FARS2: variants seen among roughly 807,000 people sequenced by gnomAD.
The protein encoded by FARS2 is phenylalanyl-tRNA synthetase 2, mitochondrial.
In FARS2, 40 loss-of-function variants were observed where a neutral mutation model predicts 46.4. The observed-to-expected ratio is 0.86, with a 90% CI of 0.67 to 1.12. The LOEUF (loss-of-function observed/expected upper bound fraction) is 1.12, where lower values mean the gene tolerates loss of function less well. Ranked by LOEUF, FARS2 falls within the 50% of genes most tolerant of loss-of-function variation. The probability of loss-of-function intolerance (pLI) is 0.00; values close to 1 mark genes in which losing one functional copy is unlikely to be tolerated. For synonymous variants in FARS2, 234 were observed against 214.9 expected (o/e 1.09, Z -0.78); for missense variants, 513 against 567.9 (o/e 0.90, Z 0.98).
intron 1 of FARS2, among the ~76,000 whole-genome samples, chr6:5,312,309 G>A (rs752598621): frequency 1.1e-4 from 16 of 152,064 alleles, no homozygotes; most frequent in Non-Finnish European, 2.1e-4. Flanking sequence ...AAGTCTCATA[G>A]CTTATGTCTG....
At chr6:5,308,987 G>T (rs1234954439) in intron 1 of FARS2, among the ~76,000 whole-genome samples, 2 of 152,026 alleles carry the variant, frequency 1.3e-5, no homozygotes, top group Non-Finnish European at 2.9e-5. Flanking sequence ...TATTCATAAG[G>T]GCTTTGCCCC....
chr6:5,390,336 A>G (rs559258044), intron 2 of FARS2, among the ~76,000 whole-genome samples: 1 of 152,356 alleles, frequency 6.6e-6, no homozygotes, highest in South Asian at 2.1e-4. Flanking sequence ...GTTAGGATTA[A>G]GTTAGAAAGC....
At chr6:5,254,449 T>C in the FARS2 span, among the ~76,000 whole-genome samples, 1 of 152,230 alleles carries the variant, frequency 6.6e-6, no homozygotes, top group South Asian at 2.1e-4. Context: ...ATAGTTCCTA[T>C]TTTGATTAAT....
intron 4 of FARS2, among the ~76,000 whole-genome samples, chr6:5,539,564 A>G (rs1253060510): frequency 6.6e-6 from 1 of 151,918 alleles, no homozygotes; most frequent in Admixed American, 6.6e-5. Flanking sequence ...AACCAGCTCT[A>G]GAACATCTGA....
intron 6 of FARS2, among the ~76,000 whole-genome samples, chr6:5,646,685 C>T (rs1260779079): frequency 2.0e-5 from 3 of 152,136 alleles, no homozygotes. Context: ...TGCATATAAC[C>T]TACACATATC....
chr6:5,291,809 G>T (rs76055229), intron 1 of FARS2, among the ~76,000 whole-genome samples: 1,814 of 151,944 alleles, frequency 0.012, 38 homozygotes, highest in African/African-American at 0.041. Context: ...GAAGAATCAG[G>T]TTTCTTTATG....
intron 6 of FARS2, among the ~76,000 whole-genome samples, chr6:5,663,261 G>A (rs1024774089): frequency 2.6e-5 from 4 of 152,120 alleles, no homozygotes; most frequent in African/African-American, 9.7e-5. Flanking sequence ...GCTCTTCAAT[G>A]TAGGGAGTAT....
chr6:5,464,806 A>G (rs895595017), intron 4 of FARS2, among the ~76,000 whole-genome samples: 6 of 152,262 alleles, frequency 3.9e-5, no homozygotes, highest in African/African-American at 1.4e-4. Flanking sequence ...AAAGAAAGAA[A>G]GAAATTGGCC....
intron 5 of FARS2, among the ~76,000 whole-genome samples, chr6:5,574,486 G>A (rs997390716): frequency 6.6e-6 from 1 of 152,184 alleles, no homozygotes; most frequent in Non-Finnish European, 1.5e-5. Context: ...AACACCCTAT[G>A]CCTCCCTCAG....
In FARS2 at chr6:5,372,156, C is replaced by T. The variant is rs180893244; in HGVS notation, c.612+2974C>T. On this transcript the variant is annotated intron_variant, in intron 2 of 6. Transcript: ENST00000274680. ...CATAGGCTTAGTACATAAAGCAAAA[C>T]TGAAGAATTAAAAGTTAAGTTTGAC... Among the ~76,000 whole-genome samples, 609 of 152,040 alleles carry T rather than the reference C, an allele frequency of 4.0e-3. 5 individuals are homozygous for T. The highest frequency in any genetic ancestry group is 0.014 in the African/African-American group (573 of 41,504).
intron 1 of FARS2, among the ~76,000 whole-genome samples, chr6:5,281,076 A>G (rs1766691102): frequency 6.6e-6 from 1 of 152,186 alleles, no homozygotes. Context: ...GTCTTCCACA[A>G]TTTCCTTTGT....
intron 1 of FARS2, among the ~76,000 whole-genome samples, chr6:5,341,026 T>A (rs1347697154): frequency 6.6e-6 from 1 of 150,598 alleles, no homozygotes; most frequent in Non-Finnish European, 1.5e-5. Flanking sequence ...CGTGCGCCTG[T>A]AATCCCAGCT....
chr6:5,369,159 G>T lies in FARS2; in HGVS notation c.589G>T (p.Val197Leu). 6.2e-7 allele frequency: 1 copy of T among 1,608,602 alleles called. No homozygotes were observed. The highest frequency in any genetic ancestry group is 8.5e-7 in the Non-Finnish European group (1 of 1,179,884). The change falls in exon 2 of 7, where the codon GTG becomes TTG. Residue 197 changes from valine to leucine, a missense_variant. Val to Leu is a conservative substitution (Grantham distance 32). Coordinates refer to ENST00000274680, the MANE Select transcript of FARS2 (RefSeq NM_006567.5). ...CCCTATTTTCCACCAGCTGGAGGCC[G>T]TGCGGCTCTTCTCCAAGCATGAGGT... The part of the protein sequence containing the change: ...HYPIFHQLEA[V>L]RLFSKHELFA...
chr6:5,481,016 C>CT (rs1307590499), intron 4 of FARS2, among the ~76,000 whole-genome samples: 1 of 152,240 alleles, frequency 6.6e-6, no homozygotes, highest in East Asian at 1.9e-4. Flanking sequence ...TGAAAGCACT[C>CT]TTTAAAACAG....
At chr6:5,381,667 G>A (rs1053143788) in intron 2 of FARS2, among the ~76,000 whole-genome samples, 6 of 152,174 alleles carry the variant, frequency 3.9e-5, no homozygotes, top group Non-Finnish European at 8.8e-5. Context: ...ACATTGCCAT[G>A]CTGGGGTTAT....
intron 1 of FARS2, among the ~76,000 whole-genome samples, chr6:5,345,001 A>C (rs540001619): frequency 6.6e-6 from 1 of 152,026 alleles, no homozygotes; most frequent in East Asian, 1.9e-4. Flanking sequence ...CATGTTGGCC[A>C]GGGTGGTCTC....
chr6:5,626,641 G>T (rs1776046868), intron 6 of FARS2, among the ~76,000 whole-genome samples: 1 of 152,166 alleles, frequency 6.6e-6, no homozygotes, highest in Non-Finnish European at 1.5e-5. Context: ...TAAAGGTTTG[G>T]ATATTTCACC....
At chr6:5,509,243 C>G (rs1768284368) in intron 4 of FARS2, among the ~76,000 whole-genome samples, 1 of 152,238 alleles carries the variant, frequency 6.6e-6, no homozygotes, top group Non-Finnish European at 1.5e-5. Context: ...TCCTGAGATA[C>G]TAAACTTCCA....
chr6:5,268,206 T>C (rs1263905524), intron 1 of FARS2, among the ~76,000 whole-genome samples: 1 of 151,650 alleles, frequency 6.6e-6, no homozygotes, highest in Non-Finnish European at 1.5e-5. Flanking sequence ...CTCTTTAGTT[T>C]AATTAGATCC....
Sources: gnomAD v4.1 joint callset for allele counts (sites outside exome capture counted in the v4.1 genomes callset) on GRCh38, gnomAD v4.1.1 for gene constraint, MANE v1.5 for transcripts, NCBI Gene and HGNC (gene_info 2026-07-23, HGNC 2026-07-21) for gene names.